The following ZNF229 variants were observed in gnomAD, a reference collection of about 807,000 sequenced individuals.
The protein encoded by ZNF229 is zinc finger protein 229.
ZNF229 carries 10 observed loss-of-function variants against 11.8 expected under a neutral mutation model. The observed-to-expected ratio is 0.85, with a 90% CI of 0.52 to 1.44. The LOEUF (loss-of-function observed/expected upper bound fraction) is 1.44, where lower values mean the gene tolerates loss of function less well. Among genes scored for constraint, ZNF229 ranks in the 40% most tolerant of loss-of-function variants. The pLI, the probability that ZNF229 is intolerant of heterozygous loss-of-function variation, is 0.00. For missense variants in ZNF229, 1,045 were observed against 1,015.1 expected, an observed-to-expected ratio of 1.03 and a Z score of -0.40; for synonymous variants, 368 against 374.8, an observed-to-expected ratio of 0.98 and a Z score of 0.21.
intron 5 of ZNF229, among the ~76,000 whole-genome samples, chr19:44,430,860 C>T (rs1001989618): frequency 2.6e-5 from 4 of 152,178 alleles, no homozygotes; most frequent in African/African-American, 9.7e-5. Flanking sequence ...ATATCTGACA[C>T]TATTGTAACA....
At chr19:44,432,913 C>T (rs1971750695) in intron 4 of ZNF229, among the ~76,000 whole-genome samples, 1 of 151,926 alleles carries the variant, frequency 6.6e-6, no homozygotes, top group Non-Finnish European at 1.5e-5. Context: ...AAAAAGAAGA[C>T]AAGATAGCAG....
chr19:44,442,604 A>G lies in ZNF229; in HGVS notation c.52T>C (p.Ser18Pro), dbSNP rs758519371. ...HEKRALHSQASAISQDREEKI... is the reference protein window; with the variant it reads ...HEKRALHSQAPAISQDREEKI... ...TCCTCCCTATCTTGGGAAATGGCTG[A>G]GGCTTGAGAATGAAGAGCTGTAGGA... The change falls in exon 4 of 6, where the codon TCA becomes CCA. Residue 18 changes from serine (S) to proline (P), a missense_variant. Physicochemically the swap from Ser to Pro is moderately conservative, Grantham distance 74. Coordinates refer to ENST00000614049, the MANE Select transcript of ZNF229 (RefSeq NM_014518.4). The G allele has an allele frequency of 1.9e-6, 3 of 1,614,106 alleles. No individual in the cohort carries two copies. Among genetic ancestry groups the G allele is most frequent in the Non-Finnish European group, 2.5e-6 (3 of 1,180,008 alleles).
rs369746582 is a variant in ZNF229 at position 44,429,799 on chromosome 19, G to A, written c.982C>T (p.Arg328Trp). ...EKSVKSLERG[R>W]GVRQNTHIRN... ...ATGTGCGTGTTCTGTCTGACGCCCC[G>A]ACCACGCTCAAGACTCTTAACAGAT... The change falls in exon 6 of 6, where the codon CGG (arginine) becomes TGG (tryptophan). Residue 328 changes from arginine to tryptophan, a missense_variant. Physicochemically the swap from Arg to Trp is moderately radical, Grantham distance 101. Transcript: ENST00000614049. The A allele has an allele frequency of 2.5e-5, 41 of 1,613,862 alleles. No individual in the cohort carries two copies. Among genetic ancestry groups the A allele is most frequent in the South Asian group, 8.8e-5 (8 of 91,078 alleles).
chr19:44,437,194 T>C (rs188730706), intron 4 of ZNF229, among the ~76,000 whole-genome samples: 71 of 152,196 alleles, frequency 4.7e-4, no homozygotes, highest in Non-Finnish European at 8.5e-4. Context: ...TAAAGAGCCA[T>C]TTAGATGACT....
chr19:44,429,107 G>T lies in ZNF229; in HGVS notation c.1674C>A (p.Asp558Glu). 3 of 1,612,302 alleles carry T rather than the reference G, an allele frequency of 1.9e-6. No homozygotes were observed. The highest frequency in any genetic ancestry group is 2.5e-6 in the Non-Finnish European group (3 of 1,179,510). The change falls in exon 6 of 6, where the codon GAC (aspartate) becomes GAA (glutamate). Residue 558 changes from aspartate (D) to glutamate (E), a missense_variant. By Grantham distance (45) the Asp-to-Glu change is conservative (BLOSUM62 2). Transcript: ENST00000614049. ...ECGKSFGRSSDLHIHQRVHTG... is the reference protein window; with the variant it reads ...ECGKSFGRSSELHIHQRVHTG... ...TGTGGACCCTCTGATGGATGTGGAG[G>T]TCGGAGCTCCGGCCAAAGCTCTTCC...
intron 4 of ZNF229, among the ~76,000 whole-genome samples, chr19:44,438,324 A>G (rs1971849276): frequency 6.6e-6 from 1 of 152,252 alleles, no homozygotes; most frequent in Admixed American, 6.5e-5. Flanking sequence ...AAACTGCAAA[A>G]TAAAATGGGG....
At position 44,429,915 on chromosome 19, in the gene ZNF229, T is replaced by C. The variant is rs1490316705; in HGVS notation, c.866A>G (p.Lys289Arg). 2 of 1,614,100 alleles carry C rather than the reference T, an allele frequency of 1.2e-6. No individual in the cohort carries two copies. The highest frequency in any genetic ancestry group is 2.2e-5 in the South Asian group (2 of 91,080). The change falls in exon 6 of 6, where the codon AAA (lysine) becomes AGA (arginine). Residue 289 changes from lysine to arginine, a missense_variant. Transcript: ENST00000614049. Reference protein sequence around the residue: ...DLPPHPRVPLKEKLCQYDEFS... With the variant: ...DLPPHPRVPLREKLCQYDEFS... ...CTCATCATATTGACAGAGTTTCTCT[T>C]TCAAAGGTACTCTTGGATGCGGGGG...
chr19:44,445,078 G>A (rs192650813), intron 2 of ZNF229, among the ~76,000 whole-genome samples: 1 of 152,268 alleles, frequency 6.6e-6, no homozygotes, highest in Admixed American at 6.5e-5. Context: ...TGCCCCTAGA[G>A]GTACTTCTCT....
rs1971679465 is a variant in ZNF229, at chr19:44,429,852, C to G, written c.929G>C (p.Arg310Thr). 2 of 1,614,026 alleles carry G rather than the reference C, an allele frequency of 1.2e-6. No individual in the cohort carries two copies. The highest frequency in any genetic ancestry group is 1.3e-5 in the African/African-American group (1 of 74,952). Residue 310 changes from arginine to threonine, a missense_variant, in exon 6 of 6, where the codon AGA becomes ACA. Arg to Thr is a moderately conservative substitution (Grantham distance 71). Transcript: ENST00000614049. The stretch of plus-strand genomic sequence containing the variant: ...CTCTCCTGTGGGAACTCTTTGATGT[C>G]TGTTAAGATGGGCACTGTGCCTCAA... Reference protein sequence around the residue: ...EGLRHSAHLNRHQRVPTGEKS... With the variant: ...EGLRHSAHLNTHQRVPTGEKS...
intron 4 of ZNF229, among the ~76,000 whole-genome samples, chr19:44,436,857 T>C: frequency 6.6e-6 from 1 of 152,174 alleles, no homozygotes; most frequent in East Asian, 1.9e-4. Flanking sequence ...ATGTGAAATA[T>C]CAATCAATTG....
rs772236691 is a variant in ZNF229, at chr19:44,429,749, C to T, written c.1032G>A (p.Val344=). 5 of 1,614,068 alleles carry T rather than the reference C, an allele frequency of 3.1e-6. No homozygotes were observed. In the South Asian group the frequency reaches 5.5e-5, roughly 18 times the overall value. Residue 344 remains valine, a synonymous_variant, in exon 6 of 6, where the codon GTG becomes GTA. Transcript: ENST00000614049. ...CATCACATCTATAGGGCATGTCTCC[C>T]ACAGGGGCTCTGGGGTGGTTACGTA... ...THIRNHPRAP[V]GDMPYRCDVC...
chr19:44,442,782 TC>T (rs774855412), intron 3 of ZNF229, 31 bp downstream of exon 3: 22 of 1,544,908 alleles, frequency 1.4e-5, no homozygotes, highest in Non-Finnish European at 1.8e-5. Context: ...GTTTGGATTC[TC>T]CCCCCACCCA....
chr19:44,439,495 G>A lies in ZNF229; in HGVS notation c.93+3068C>T, dbSNP rs138626848. On this transcript the variant is annotated intron_variant, in intron 4 of 5. Transcript: ENST00000614049. Reference sequence around the variant, plus strand: ...GTCTCACTCTGTCGCCCAGGCTGGAGTGCAGTGGCATGATCTCAGCTCACT... The same window carrying A: ...GTCTCACTCTGTCGCCCAGGCTGGAATGCAGTGGCATGATCTCAGCTCACT... 8.1e-3 allele frequency among the ~76,000 whole-genome samples: 1,236 copies of A among 152,204 alleles called. 16 individuals are homozygous for A. Among genetic ancestry groups the A allele is most frequent in the Middle Eastern group, 0.024 (7 of 294 alleles).
At position 44,434,578 on chromosome 19, in the gene ZNF229, A is replaced by T. The variant is rs562480435; in HGVS notation, c.94-2212T>A. Among the ~76,000 whole-genome samples, 4 of 152,316 alleles carry T rather than the reference A, an allele frequency of 2.6e-5. No homozygotes were observed. In the South Asian group the frequency reaches 8.3e-4, roughly 32 times the overall value. On this transcript the variant is annotated intron_variant, in intron 4 of 5. Transcript: ENST00000614049. ...TATTCTGCAATACAGTGATCATCAA[A>T]ATATTACTGTAATATCATTGCTGTC... is the stretch of plus-strand genomic sequence containing the variant.
intron 2 of ZNF229, among the ~76,000 whole-genome samples, chr19:44,446,331 GA>G (rs1478312041): frequency 3.3e-5 from 5 of 152,198 alleles, no homozygotes; most frequent in Non-Finnish European, 5.9e-5. Flanking sequence ...GCAGGGTTTT[GA>G]AAATTGCAGC....
In ZNF229 at chr19:44,428,381, C is replaced by G; in HGVS notation, c.2400G>C (p.Val800=). Residue 800 remains valine (V), a synonymous_variant, in exon 6 of 6, where the codon GTG becomes GTC. Transcript: ENST00000614049. ...AGGTATAACTGAAGCCTTTCCCACA[C>G]ACACCACACGTATAGGGCTTCTCTC... ...HTGEKPYTCG[V]CGKGFSYTSG... is the part of the protein sequence containing the mutation. The G allele has an allele frequency of 1.9e-6, 3 of 1,614,136 alleles. No individual in the cohort carries two copies. The highest frequency in any genetic ancestry group is 2.5e-6 in the Non-Finnish European group (3 of 1,180,040).
intron 5 of ZNF229, among the ~76,000 whole-genome samples, chr19:44,431,017 C>T (rs1260538665): frequency 6.6e-6 from 1 of 152,080 alleles, no homozygotes; most frequent in African/African-American, 2.4e-5. Flanking sequence ...TTCCACCATA[C>T]TGTGAGGCAG....
intron 4 of ZNF229, among the ~76,000 whole-genome samples, chr19:44,439,439 CA>C (rs1971869753): frequency 6.6e-6 from 1 of 152,100 alleles, no homozygotes. Context: ...GGAAAGCATA[CA>C]TGTTTCCATT....
At chr19:44,440,386 A>G (rs1971887844) in intron 4 of ZNF229, among the ~76,000 whole-genome samples, 1 of 152,216 alleles carries the variant, frequency 6.6e-6, no homozygotes, top group African/African-American at 2.4e-5. Flanking sequence ...AAGTTACACC[A>G]TTTATCCAGT....
Sources: gnomAD v4.1 joint callset for allele counts (sites outside exome capture counted in the v4.1 genomes callset) on GRCh38, gnomAD v4.1.1 for gene constraint, MANE v1.5 for transcripts, NCBI Gene and HGNC (gene_info 2026-07-23, HGNC 2026-07-21) for gene names.